TCF20: variants seen among roughly 807,000 people sequenced by gnomAD.
The protein encoded by TCF20 is transcription factor 20, also known as SPRE-binding protein.
In TCF20, 3 loss-of-function variants were observed where a neutral mutation model predicts 148.6. That is an observed-to-expected ratio of 0.02 (90% CI 0.01 to 0.05). The LOEUF is 0.05. Ranked by LOEUF, TCF20 falls within the 10% of genes least tolerant of loss-of-function variation. The pLI is 1.00. For synonymous variants in TCF20, 1,049 were observed against 909.5 expected, an observed-to-expected ratio of 1.15 and a Z score of -2.76; for missense variants, 2,350 against 2,429.3, an observed-to-expected ratio of 0.97 and a Z score of 0.69.
At position 42,329,205 on chromosome 22, in the gene TCF20, G is replaced by C. The variant is rs573766860; in HGVS notation, c.-37+14274C>G. 3.9e-5 allele frequency among the ~76,000 whole-genome samples: 6 copies of C among 152,338 alleles called. No individual in the cohort carries two copies. The South Asian group carries it at 1.2e-3, about 32-fold the overall frequency. On this transcript the variant is annotated intron_variant, in intron 1 of 1. Coordinates refer to the TCF20 transcript ENST00000515426. The stretch of plus-strand genomic sequence containing the variant: ...CGCAGTCACACCAAGAAGTGATAAG[G>C]AGTCAGAAGAGCGGTGGGAATTCCT...
intron 1 of TCF20, among the ~76,000 whole-genome samples, chr22:42,224,669 G>C (rs1028267356): frequency 6.7e-6 from 1 of 149,404 alleles, no homozygotes; most frequent in African/African-American, 2.5e-5. Context: ...TGTATTAGAA[G>C]AAAAAACTGG....
At chr22:42,223,638 A>G (rs887000250) in intron 1 of TCF20, among the ~76,000 whole-genome samples, 14 of 152,248 alleles carry the variant, frequency 9.2e-5, no homozygotes, top group Non-Finnish European at 1.9e-4. Context: ...TAATATGCCC[A>G]CTGCAAAACC....
chr22:42,286,492 C>T (rs1927033552), upstream of TCF20, among the ~76,000 whole-genome samples: 1 of 152,124 alleles, frequency 6.6e-6, no homozygotes, highest in Admixed American at 6.6e-5. Flanking sequence ...TAGGACCTAC[C>T]TTATAAGGTT....
chr22:42,162,041 T>C (rs1295574611), intron 5 of TCF20, among the ~76,000 whole-genome samples: 2 of 139,928 alleles, frequency 1.4e-5, no homozygotes, highest in Non-Finnish European at 3.0e-5. Flanking sequence ...AGTGTAGTGG[T>C]GTGCTCTTGG....
chr22:42,219,847 T>C (rs906474407), intron 1 of TCF20, among the ~76,000 whole-genome samples: 1 of 151,942 alleles, frequency 6.6e-6, no homozygotes, highest in Non-Finnish European at 1.5e-5. Flanking sequence ...CAAAGCGAGA[T>C]TCCGTCTCAA....
At chr22:42,248,630 T>A (rs145002510) in intron 1 of TCF20, among the ~76,000 whole-genome samples, 6 of 152,154 alleles carry the variant, frequency 3.9e-5, no homozygotes, top group African/African-American at 1.4e-4. Context: ...AATGCCATAA[T>A]CCTGAATGTT....
At chr22:42,234,413 T>C (rs1487424930) in intron 1 of TCF20, among the ~76,000 whole-genome samples, 2 of 152,078 alleles carry the variant, frequency 1.3e-5, no homozygotes, top group Admixed American at 6.5e-5. Flanking sequence ...CTTTTTACAG[T>C]TTATGGGGTC....
intron 1 of TCF20, among the ~76,000 whole-genome samples, chr22:42,256,898 C>T (rs1308934085): frequency 4.6e-5 from 7 of 152,150 alleles, no homozygotes. Flanking sequence ...GTGGCTGATG[C>T]CTGTAATCCC....
At chr22:42,256,835 A>G (rs987658859) in intron 1 of TCF20, among the ~76,000 whole-genome samples, 28 of 152,138 alleles carry the variant, frequency 1.8e-4, no homozygotes, top group Non-Finnish European at 3.5e-4. Context: ...CACTTCTGCC[A>G]TGGAGTAACA....
chr22:42,295,268 T>C (rs997135083), intron 1 of TCF20, among the ~76,000 whole-genome samples: 1 of 152,110 alleles, frequency 6.6e-6, no homozygotes, highest in Non-Finnish European at 1.5e-5. Context: ...CCTCTTTTGC[T>C]GCAGCCTCCC....
In TCF20 at chr22:42,210,621, T is replaced by C; in HGVS notation, c.4685A>G (p.Gln1562Arg). 6.2e-7 allele frequency: 1 copy of C among 1,614,068 alleles called. No individual in the cohort carries two copies. The highest frequency in any genetic ancestry group is 1.1e-5 in the South Asian group (1 of 91,076). Residue 1562 changes from glutamine (Q) to arginine (R), a missense_variant, in exon 2 of 6, where the codon CAG (glutamine) becomes CGG (arginine). Around this residue, in one of 7 missense-constraint regions of TCF20, gnomAD observed 374 missense variants for 398.3 expected, o/e 0.94. Coordinates refer to ENST00000677622, the MANE Select transcript of TCF20 (RefSeq NM_001378418.1). This position sits in a 1 kb window ranked among gnomAD's most constrained non-coding sequence, Gnocchi z 4.7. ...AGAACCTTCTGGTATCTGTGGGGGC[T>C]GAGGGGGTGGAGGCGGTGGCTGCTG... ...KQQQPPPPPP[Q>R]PPQIPEGSAD...
intron 1 of TCF20, among the ~76,000 whole-genome samples, chr22:42,239,096 C>T (rs576089986): frequency 6.4e-4 from 93 of 144,788 alleles, no homozygotes; most frequent in African/African-American, 2.3e-3. Flanking sequence ...CCAGCCTGGG[C>T]GACAGAGCGA....
Position 42,214,581 on chromosome 22 carries a change from G to C in TCF20, c.725C>G (p.Ser242Cys). The change falls in exon 2 of 6, where the codon TCC becomes TGC. Residue 242 changes from serine (S) to cysteine (C), a missense_variant. Physicochemically the swap from Ser to Cys is moderately radical, Grantham distance 112 (BLOSUM62 -1). This residue lies in a region of TCF20 where 1,641 missense variants were observed against 1,662.6 expected (regional missense o/e 0.99). Transcript: ENST00000677622. ...GQHYQSSASS[S>C]SSSSFPSPQR... ...TGGTGAAGGGAAGGAGGAGGAGGAGGAGGAGGAAGCAGAAGACTGATAGTG... is the reference window on the plus strand; with the variant it reads ...TGGTGAAGGGAAGGAGGAGGAGGAGCAGGAGGAAGCAGAAGACTGATAGTG... 6.2e-7 allele frequency: 1 copy of C among 1,614,112 alleles called. No homozygotes were observed. Among genetic ancestry groups the C allele is most frequent in the Non-Finnish European group, 8.5e-7 (1 of 1,180,042 alleles).
At chr22:42,287,023 C>T (rs1927044551), upstream of TCF20, among the ~76,000 whole-genome samples, 1 of 151,482 alleles carries the variant, frequency 6.6e-6, no homozygotes, top group South Asian at 2.1e-4. Flanking sequence ...GAAAGGCTTC[C>T]TGGAGGAGGA....
chr22:42,251,082 A>G (rs1056535254), intron 1 of TCF20, among the ~76,000 whole-genome samples: 2 of 152,218 alleles, frequency 1.3e-5, no homozygotes, highest in Admixed American at 6.5e-5. Context: ...GGGGATTACA[A>G]TTCAACATGA....
intron 1 of TCF20, among the ~76,000 whole-genome samples, chr22:42,226,051 G>A (rs1346741044): frequency 6.6e-6 from 1 of 152,196 alleles, no homozygotes; most frequent in Non-Finnish European, 1.5e-5. Flanking sequence ...CTCCTGAGCA[G>A]ACCAAAGGCA....
At chr22:42,171,996 C>T (rs1936159910) in intron 3 of TCF20, among the ~76,000 whole-genome samples, 1 of 152,202 alleles carries the variant, frequency 6.6e-6, no homozygotes, top group Non-Finnish European at 1.5e-5. Context: ...GAAATGCGTT[C>T]CCTCTGAGTT....
At chr22:42,177,305 C>G (rs1275877493) in intron 3 of TCF20, among the ~76,000 whole-genome samples, 1 of 152,128 alleles carries the variant, frequency 6.6e-6, no homozygotes, top group Non-Finnish European at 1.5e-5. Flanking sequence ...GTCCCAGCTA[C>G]TCGGGAGGCT....
chr22:42,304,614 C>A (rs1048535819), intron 1 of TCF20, among the ~76,000 whole-genome samples: 1 of 152,188 alleles, frequency 6.6e-6, no homozygotes, highest in African/African-American at 2.4e-5. Context: ...GCCAGGCAGG[C>A]ACTCTGATGA....
Sources: gnomAD v4.1 joint callset for allele counts (sites outside exome capture counted in the v4.1 genomes callset) on GRCh38, gnomAD v4.1.1 for gene constraint, gnomAD v4.1.1 regional missense constraint, Gnocchi (gnomAD v3.1) non-coding constraint, MANE v1.5 for transcripts, NCBI Gene and HGNC (gene_info 2026-07-23, HGNC 2026-07-21) for gene names.